HDAC9: variants seen among roughly 807,000 people sequenced by gnomAD.
HDAC9 encodes histone deacetylase 9, also known as MEF-2 interacting transcription repressor (MITR) protein.
Under a neutral mutation model 139.4 loss-of-function variants are expected in HDAC9, and 41 were observed. That is an observed-to-expected ratio of 0.29 (90% CI 0.23 to 0.38). HDAC9 has a LOEUF of 0.38. Among genes scored for constraint, HDAC9 ranks in the 10% least tolerant of loss-of-function variants. HDAC9 has a pLI of 1.00. For missense variants in HDAC9, 1,147 were observed against 1,297.0 expected, an observed-to-expected ratio of 0.88 and a Z score of 1.78; for synonymous variants, 517 against 476.2, an observed-to-expected ratio of 1.09 and a Z score of -1.12.
At chr7:18,241,186 A>G (rs1181988530) in intron 2 of HDAC9, among the ~76,000 whole-genome samples, 1 of 152,208 alleles carries the variant, frequency 6.6e-6, no homozygotes, top group Non-Finnish European at 1.5e-5. Flanking sequence ...CTGTTTATCA[A>G]CTATGTGTCT....
At chr7:18,251,568 G>C (rs891069172) in intron 2 of HDAC9, among the ~76,000 whole-genome samples, 1 of 152,186 alleles carries the variant, frequency 6.6e-6, no homozygotes, top group Non-Finnish European at 1.5e-5. Flanking sequence ...GGACTTTGGA[G>C]AAGATGGAGG....
chr7:18,170,315 T>C (rs1262706955), intron 2 of HDAC9, among the ~76,000 whole-genome samples: 1 of 152,216 alleles, frequency 6.6e-6, no homozygotes, highest in Non-Finnish European at 1.5e-5. Context: ...TGGGTTGTTT[T>C]TTTTCTTGTA....
chr7:18,585,636 A>G (rs1484924653), intron 3 of HDAC9, 114 bp downstream of exon 3: 145 of 1,281,966 alleles, frequency 1.1e-4, no homozygotes, highest in Non-Finnish European at 1.4e-4. Flanking sequence ...AGACATGGAT[A>G]TATGGCTTGA....
In HDAC9 at chr7:18,495,805, C is replaced by G; in HGVS notation, c.-260C>G. On this transcript the variant is annotated 5_prime_UTR_variant, in exon 1 of 26. Coordinates refer to ENST00000686413, the MANE Select transcript of HDAC9 (RefSeq NM_178425.4). ...GCACCGGCTGGAGCCACTTGCAGGACTGAGGGTTTTTGCAACAAAACCCTA... is the reference window on the plus strand; with the variant it reads ...GCACCGGCTGGAGCCACTTGCAGGAGTGAGGGTTTTTGCAACAAAACCCTA... 1 of 1,009,500 alleles carries G rather than the reference C, an allele frequency of 9.9e-7. No homozygotes were observed. The highest frequency in any genetic ancestry group is 1.2e-6 in the Non-Finnish European group (1 of 846,144). The allele number at this position is 1,009,500 out of a possible 1,614,324, so 62.5% of individuals were successfully genotyped here. A position where few individuals can be genotyped will look rare whatever the true frequency, so the allele number is the denominator to read the frequency against.
chr7:18,808,817 C>T (rs1363872802), intron 17 of HDAC9, among the ~76,000 whole-genome samples: 3 of 151,408 alleles, frequency 2.0e-5, no homozygotes, highest in Non-Finnish European at 4.4e-5. Flanking sequence ...CAAAAAAGAC[C>T]CTGAATAGCC....
chr7:18,248,834 C>T (rs1256200460), intron 2 of HDAC9, among the ~76,000 whole-genome samples: 1 of 152,010 alleles, frequency 6.6e-6, no homozygotes, highest in Non-Finnish European at 1.5e-5. Flanking sequence ...ATTCATTCAG[C>T]GATTTATTCA....
rs775592116 is a variant in HDAC9, at chr7:18,118,576, T to C, written c.-97+31363T>C. Among the ~76,000 whole-genome samples the C allele has an allele frequency of 2.6e-4, 39 of 152,230 alleles. 1 individual carries two copies. The highest frequency in any genetic ancestry group is 8.8e-5 in the Non-Finnish European group (6 of 68,038). ...AGCTACTTAGGATATAACAGAGGAA[T>C]TTAATGATATAGTTGCTATTATTGA... On this transcript the variant is annotated intron_variant, in intron 1 of 12. Coordinates refer to the HDAC9 transcript ENST00000417496.
chr7:18,864,313 T>C (rs528094622), intron 21 of HDAC9, among the ~76,000 whole-genome samples: 1 of 152,174 alleles, frequency 6.6e-6, no homozygotes, highest in South Asian at 2.1e-4. Context: ...TTACATGAGG[T>C]ATCTAAAATA....
intron 12 of HDAC9, among the ~76,000 whole-genome samples, chr7:18,692,646 C>T (rs543747569): frequency 2.0e-5 from 3 of 152,148 alleles, no homozygotes; most frequent in South Asian, 4.1e-4. Flanking sequence ...TTGTGGGCCA[C>T]GCAAACTAAT....
At chr7:18,591,418 A>G (rs1399889400) in intron 4 of HDAC9, 98 bp from the exon 5 acceptor site, 8 of 1,383,670 alleles carry the variant, frequency 5.8e-6, no homozygotes, top group Non-Finnish European at 7.5e-6. Context: ...TCTTTGTCAA[A>G]TATTCTAGAG....
chr7:18,432,580 A>G (rs746494086), intron 1 of HDAC9, among the ~76,000 whole-genome samples: 3 of 152,192 alleles, frequency 2.0e-5, no homozygotes, highest in Admixed American at 6.5e-5. Flanking sequence ...ATCTTCCCCT[A>G]TAATTGGGAA....
At chr7:18,867,801 A>G (rs1798608251) in intron 21 of HDAC9, among the ~76,000 whole-genome samples, 1 of 152,138 alleles carries the variant, frequency 6.6e-6, no homozygotes, top group Non-Finnish European at 1.5e-5. Flanking sequence ...TATTATTTAA[A>G]TATAGGACTT....
intron 1 of HDAC9, among the ~76,000 whole-genome samples, chr7:18,088,898 T>A (rs1331900652): frequency 2.0e-5 from 3 of 152,254 alleles, no homozygotes; most frequent in Non-Finnish European, 4.4e-5. Context: ...GCTTGTAATT[T>A]ATTCTCATCC....
Position 18,614,335 on chromosome 7 carries a change from G to T in HDAC9, c.665-15015G>T, listed in dbSNP as rs368975538. Among the ~76,000 whole-genome samples the T allele has an allele frequency of 5.9e-5, 9 of 152,218 alleles. No individual in the cohort carries two copies. In the East Asian group the frequency reaches 1.5e-3, roughly 26 times the overall value. On this transcript the variant is annotated intron_variant, in intron 6 of 25. Coordinates refer to ENST00000686413, the MANE Select transcript of HDAC9 (RefSeq NM_178425.4). ...CTTCCTCCTCCTCCTGAGTTTCTCA[G>T]TTCTGCCAATGCCTCTCTCCCAAAC... is the stretch of plus-strand genomic sequence containing the variant.
intron 14 of HDAC9, among the ~76,000 whole-genome samples, chr7:18,751,771 T>G (rs1266320401): frequency 6.6e-6 from 1 of 152,088 alleles, no homozygotes; most frequent in Non-Finnish European, 1.5e-5. Context: ...GACCTTTTGT[T>G]CAATATGAGA....
intron 1 of HDAC9, among the ~76,000 whole-genome samples, chr7:18,358,405 C>G (rs964169121): frequency 3.3e-5 from 5 of 152,074 alleles, no homozygotes; most frequent in Non-Finnish European, 7.4e-5. Context: ...TTAGGTGTGG[C>G]TATGTTGAGA....
intron 1 of HDAC9, among the ~76,000 whole-genome samples, chr7:18,137,032 T>C (rs1181817841): frequency 7.0e-6 from 1 of 142,242 alleles, no homozygotes; most frequent in Non-Finnish European, 1.5e-5. Context: ...CCCTTGTAAG[T>C]TGGATTCCTA....
intron 2 of HDAC9, among the ~76,000 whole-genome samples, chr7:18,501,577 A>T (rs967597546): frequency 6.6e-6 from 1 of 152,162 alleles, no homozygotes; most frequent in African/African-American, 2.4e-5. Context: ...GTTTAATTTC[A>T]GTTTTTAAAA....
intron 1 of HDAC9, among the ~76,000 whole-genome samples, chr7:18,302,887 T>G (rs1798635304): frequency 1.3e-5 from 2 of 152,194 alleles, no homozygotes; most frequent in Non-Finnish European, 2.9e-5. Flanking sequence ...TTTCCAGAGT[T>G]CTTTAACTGG....
Sources: gnomAD v4.1 joint callset for allele counts (sites outside exome capture counted in the v4.1 genomes callset) on GRCh38, gnomAD v4.1.1 for gene constraint, MANE v1.5 for transcripts, NCBI Gene and HGNC (gene_info 2026-07-23, HGNC 2026-07-21) for gene names.